Variants in SAMD7 observed in about 807,000 individuals in gnomAD.
The protein encoded by SAMD7 is sterile alpha motif domain-containing protein 7.
SAMD7 carries 34 observed loss-of-function variants against 36.7 expected under a neutral mutation model. The ratio of observed to expected loss-of-function variants is 0.93; its 90% CI spans 0.71 to 1.23. The LOEUF is 1.23. Among genes scored for constraint, SAMD7 ranks in the 50% most tolerant of loss-of-function variants. SAMD7 has a pLI of 0.00. For synonymous variants in SAMD7, 188 were observed against 189.7 expected (o/e 0.99, Z 0.07); for missense variants, 570 against 546.6 (o/e 1.04, Z -0.43).
At chr3:169,927,481 G>C (rs898608098) in intron 6 of SAMD7, among the ~76,000 whole-genome samples, 2 of 151,756 alleles carry the variant, frequency 1.3e-5, no homozygotes, top group African/African-American at 4.8e-5. Flanking sequence ...ATTTTTATTA[G>C]AGCCGGGGTT....
chr3:169,934,111 A>C (rs1296826762), intron 7 of SAMD7, among the ~76,000 whole-genome samples: 2 of 152,206 alleles, frequency 1.3e-5, no homozygotes, highest in Admixed American at 6.5e-5. Context: ...GGACAGGGCC[A>C]GGTCACAGAG....
At chr3:169,930,496 C>G (rs1454310395) in intron 7 of SAMD7, among the ~76,000 whole-genome samples, 1 of 151,842 alleles carries the variant, frequency 6.6e-6, no homozygotes, top group Non-Finnish European at 1.5e-5. Flanking sequence ...AGCAGCACTG[C>G]TTGTACCCCA....
rs16854606 is a variant in SAMD7, at chr3:169,915,406, C to T, written c.-77C>T. 1 of 151,984 alleles carries T rather than the reference C, an allele frequency of 6.6e-6. No individual in the cohort carries two copies. Among genetic ancestry groups the T allele is most frequent in the East Asian group, 1.9e-4 (1 of 5,180 alleles). 9.4% of individuals were successfully genotyped at this position (151,984 alleles called of 1,614,324 possible). A position where few individuals can be genotyped will look rare whatever the true frequency, so the allele number is the denominator to read the frequency against. On this transcript the variant is annotated 5_prime_UTR_variant, in exon 2 of 9. Coordinates refer to ENST00000335556, the MANE Select transcript of SAMD7 (RefSeq NM_001304366.2). The stretch of plus-strand genomic sequence containing the variant: ...ATTCCAAAGTAAGACAATCTCATCT[C>T]CTTTTGGTGATTCATCTCCACGGCT...
At chr3:169,927,965 C>A (rs547137900) in intron 6 of SAMD7, among the ~76,000 whole-genome samples, 1 of 151,964 alleles carries the variant, frequency 6.6e-6, no homozygotes, top group Non-Finnish European at 1.5e-5. Context: ...ATGACAGAAA[C>A]GCACACTGAA....
Position 169,927,092 on chromosome 3 carries a change from A to T in SAMD7, c.830A>T (p.Asp277Val). 1 of 1,598,748 alleles carries T rather than the reference A, an allele frequency of 6.3e-7. No homozygotes were observed. Among genetic ancestry groups the T allele is most frequent in the South Asian group, 1.1e-5 (1 of 89,234 alleles). ...TTTLKAKAWD[D>V]GKEEASEQIF... ...ACCCTGAAAGCAAAGGCCTGGGACGATGGGAAAGAGGAGGCTTCGGAGCAG... is the reference window on the plus strand; with the variant it reads ...ACCCTGAAAGCAAAGGCCTGGGACGTTGGGAAAGAGGAGGCTTCGGAGCAG... Residue 277 changes from aspartate (D) to valine (V), a missense_variant, in exon 6 of 9, where the codon GAT becomes GTT. Coordinates refer to ENST00000335556, the MANE Select transcript of SAMD7 (RefSeq NM_001304366.2).
rs1712612035 is a variant in SAMD7 at position 169,911,814 on chromosome 3, T to C, written c.-124T>C. 6.6e-6 allele frequency: 1 copy of C among 152,354 alleles called. No homozygotes were observed. Among genetic ancestry groups the C allele is most frequent in the Admixed American group, 6.5e-5 (1 of 15,306 alleles). The allele number at this position is 152,354 out of a possible 1,614,324, so 9.4% of individuals were successfully genotyped here. On this transcript the variant is annotated 5_prime_UTR_variant, in exon 1 of 9. Coordinates refer to ENST00000335556, the MANE Select transcript of SAMD7 (RefSeq NM_001304366.2). The stretch of plus-strand genomic sequence containing the variant: ...CAATATCAAAGACAAGAAGTCTTCA[T>C]AGAGGATGTAAGTATGTAACTCTAC...
At position 169,927,006 on chromosome 3, in the gene SAMD7, T is replaced by A. The variant is rs1230280331; in HGVS notation, c.744T>A (p.Leu248=). Residue 248 remains leucine (L), a synonymous_variant, in exon 6 of 9, where the codon CTT becomes CTA. Coordinates refer to ENST00000335556, the MANE Select transcript of SAMD7 (RefSeq NM_001304366.2). ...SETNEKPTTA[L]ANTCGELEPT... is the part of the protein sequence containing the mutation. Reference sequence around the variant, plus strand: ...CGAATGAAAAGCCAACGACAGCTCTTGCCAACACCTGTGGAGAGCTCGAGC... The same window carrying A: ...CGAATGAAAAGCCAACGACAGCTCTAGCCAACACCTGTGGAGAGCTCGAGC... 1 of 1,613,852 alleles carries A rather than the reference T, an allele frequency of 6.2e-7. No homozygotes were observed. Among genetic ancestry groups the A allele is most frequent in the Admixed American group, 1.7e-5 (1 of 59,942 alleles).
In SAMD7 at chr3:169,920,813, TCC is replaced by T. The variant is rs1713011455; in HGVS notation, c.87-400_87-399del. ...CACTAAAGTTTAGAAAAATAAGTTG[TCC>T]ACCCAGGTACTCAAACATTGATCCC... On this transcript the variant is annotated intron_variant, in intron 3 of 8. Transcript: ENST00000335556. Among the ~76,000 whole-genome samples the T allele has an allele frequency of 5.9e-5, 9 of 152,306 alleles. 1 individual carries two copies. The South Asian group carries it at 1.9e-3, about 32-fold the overall frequency.
At chr3:169,920,109 G>A (rs1712984208) in intron 3 of SAMD7, among the ~76,000 whole-genome samples, 1 of 152,236 alleles carries the variant, frequency 6.6e-6, no homozygotes, top group African/African-American at 2.4e-5. Flanking sequence ...AGGAGGTGGA[G>A]GTTGTGGTGA....
chr3:169,933,117 C>G (rs1229157547), intron 7 of SAMD7: 1 of 839,706 alleles, frequency 1.2e-6, no homozygotes, highest in Non-Finnish European at 2.1e-6. Context: ...CTCTGATCCT[C>G]GTCTGGACGC....
rs761300912 is a variant in SAMD7 at position 169,938,492 on chromosome 3, A to G, written c.1327A>G (p.Ser443Gly). 1 of 1,608,428 alleles carries G rather than the reference A, an allele frequency of 6.2e-7. No individual in the cohort carries two copies. The highest frequency in any genetic ancestry group is 8.5e-7 in the Non-Finnish European group (1 of 1,176,764). ...AATTCCTAAAGGAATTGAGCGAGGT[A>G]GTATGAGAAACTAAAAGCCCTCAAG... ...TIIPKGIERG[S>G]MRN Residue 443 changes from serine (S) to glycine (G), a missense_variant, in exon 9 of 9, where the codon AGT becomes GGT. Coordinates refer to ENST00000335556, the MANE Select transcript of SAMD7 (RefSeq NM_001304366.2).
In SAMD7 at chr3:169,926,603, T is replaced by A. The variant is rs1276225934; in HGVS notation, c.341T>A (p.Ile114Asn). 5.6e-6 allele frequency: 9 copies of A among 1,612,866 alleles called. No homozygotes were observed. Among genetic ancestry groups the A allele is most frequent in the Non-Finnish European group, 7.6e-6 (9 of 1,179,454 alleles). The change falls in exon 6 of 9, where the codon ATT becomes AAT. Residue 114 changes from isoleucine (I) to asparagine (N), a missense_variant. Physicochemically the swap from Ile to Asn is moderately radical, Grantham distance 149 (BLOSUM62 -3). Coordinates refer to ENST00000335556, the MANE Select transcript of SAMD7 (RefSeq NM_001304366.2). ...TACCAGCAAAGGAGAATGGAAAAAATTAATCCCAAGGGACTAGCAGGCCTA... is the reference window on the plus strand; with the variant it reads ...TACCAGCAAAGGAGAATGGAAAAAAATAATCCCAAGGGACTAGCAGGCCTA... Reference protein sequence around the residue: ...AIYQQRRMEKINPKGLAGLGI... With the variant: ...AIYQQRRMEKNNPKGLAGLGI...
At position 169,921,202 on chromosome 3, in the gene SAMD7, T is replaced by G; in HGVS notation, c.87-12T>G. On this transcript the variant is annotated splice_polypyrimidine_tract_variant and intron_variant, in intron 3 of 8. Transcript: ENST00000335556. Reference sequence around the variant, plus strand: ...ATTTTACCTATTTTATTTTATATCTTTTTGTTCTCAGAGATGTATTGCCTT... The same window carrying G: ...ATTTTACCTATTTTATTTTATATCTGTTTGTTCTCAGAGATGTATTGCCTT... 1 of 1,613,308 alleles carries G rather than the reference T, an allele frequency of 6.2e-7. No individual in the cohort carries two copies.
chr3:169,934,518 G>C (rs549065240), intron 7 of SAMD7, among the ~76,000 whole-genome samples: 2 of 152,290 alleles, frequency 1.3e-5, no homozygotes, highest in Non-Finnish European at 1.5e-5. Context: ...GGCACTGAAG[G>C]GGGTAGGAAA....
chr3:169,938,800 A>G lies in SAMD7; in HGVS notation c.*294A>G. 3.8e-6 allele frequency: 1 copy of G among 261,008 alleles called. No individual in the cohort carries two copies. The highest frequency in any genetic ancestry group is 2.2e-5 in the African/African-American group (1 of 45,536). The allele number at this position is 261,008 out of a possible 1,614,324, so 16.2% of individuals were successfully genotyped here. ...CATGAAGAAATCTCTGAAGAAACCA[A>G]AAGAGCTGAAACTGAAAAAAGAGCT... On this transcript the variant is annotated 3_prime_UTR_variant, in exon 9 of 9. Transcript: ENST00000335556.
intron 2 of SAMD7, among the ~76,000 whole-genome samples, chr3:169,918,621 T>C (rs1034816447): frequency 4.6e-5 from 7 of 152,246 alleles, no homozygotes; most frequent in African/African-American, 1.7e-4. Flanking sequence ...TGAATATTTG[T>C]ATTTATGTAA....
chr3:169,932,188 C>A, intron 7 of SAMD7: 1 of 684,708 alleles, frequency 1.5e-6, no homozygotes. Flanking sequence ...CCACACGTTG[C>A]AGTCTTCCTA....
rs1713829072 is a variant in SAMD7 at position 169,939,059 on chromosome 3, A to T, written c.*553A>T. On this transcript the variant is annotated 3_prime_UTR_variant, in exon 9 of 9. Coordinates refer to ENST00000335556, the MANE Select transcript of SAMD7 (RefSeq NM_001304366.2). ...GAGTTTTGGCCAGGCGCGGTGGCTC[A>T]CGGCTGTAATCCCAACACTTTGGGA... 1.3e-5 allele frequency: 2 copies of T among 152,290 alleles called. No homozygotes were observed. The highest frequency in any genetic ancestry group is 1.3e-4 in the Admixed American group (2 of 15,278). The allele number at this position is 152,290 out of a possible 1,614,324, so 9.4% of individuals were successfully genotyped here.
In SAMD7 at chr3:169,926,654, G is replaced by GT. The variant is rs1713271935; in HGVS notation, c.393dup (p.Val132CysfsTer18). The GT allele has an allele frequency of 6.2e-7, 1 of 1,614,010 alleles. No individual in the cohort carries two copies. On this transcript the variant is annotated frameshift_variant, in exon 6 of 9. Coordinates refer to ENST00000335556, the MANE Select transcript of SAMD7 (RefSeq NM_001304366.2). LOFTEE classifies it high-confidence loss of function. The stretch of plus-strand genomic sequence containing the variant: ...GGGATACCCTTCCTCTATGGCTCCA[G>GT]TGTCCCAGCTGCCCCCGCTGCCTAC...
Sources: allele counts gnomAD v4.1 joint callset (sites outside exome capture counted in the v4.1 genomes callset), GRCh38; gene constraint gnomAD v4.1.1; transcripts MANE v1.5; gene names NCBI Gene and HGNC (gene_info 2026-07-23, HGNC 2026-07-21).